MALRD1: variants seen among roughly 807,000 people sequenced by gnomAD.
The protein encoded by MALRD1 is MAM and LDL receptor class A domain containing 1.
In MALRD1, 247 loss-of-function variants were observed where a neutral mutation model predicts 242.1. The observed-to-expected ratio is 1.02, with a 90% confidence interval of 0.92 to 1.13. The LOEUF (loss-of-function observed/expected upper bound fraction) is 1.13, where lower values mean the gene tolerates loss of function less well. Among genes scored for constraint, MALRD1 ranks in the 50% most tolerant of loss-of-function variants. The pLI is 0.00. For missense variants in MALRD1, 2,989 were observed against 2,533.1 expected, an observed-to-expected ratio of 1.18 and a Z score of -3.86; for synonymous variants, 995 against 866.6, an observed-to-expected ratio of 1.15 and a Z score of -2.60.
chr10:19,688,557 A>G (rs1842695277), intron 36 of MALRD1, among the ~76,000 whole-genome samples: 2 of 152,170 alleles, frequency 1.3e-5, no homozygotes, highest in South Asian at 4.1e-4. Context: ...CAGCATGCCC[A>G]GCCCTAATGA....
intron 25 of MALRD1, among the ~76,000 whole-genome samples, chr10:19,348,450 C>T (rs534601052): frequency 3.3e-5 from 5 of 150,114 alleles, no homozygotes; most frequent in Admixed American, 2.0e-4. Flanking sequence ...GTTAGAGCCA[C>T]AAAAAAAAAT....
chr10:19,180,169 C>T (rs1284910797), intron 14 of MALRD1, among the ~76,000 whole-genome samples: 1 of 152,174 alleles, frequency 6.6e-6, no homozygotes, highest in Admixed American at 6.5e-5. Context: ...GGAACACAGA[C>T]ATTTTCCAGA....
chr10:19,500,602 C>T (rs867802652), intron 31 of MALRD1, among the ~76,000 whole-genome samples: 91 of 152,082 alleles, frequency 6.0e-4, no homozygotes, highest in African/African-American at 2.1e-3. Flanking sequence ...CCTCCTAAAC[C>T]CAATTTACAA....
intron 34 of MALRD1, among the ~76,000 whole-genome samples, chr10:19,605,302 G>A (rs1184279096): frequency 6.6e-6 from 1 of 151,310 alleles, no homozygotes; most frequent in Non-Finnish European, 1.5e-5. Context: ...CTACAGGCAT[G>A]AGCCACCAAT....
intron 32 of MALRD1, among the ~76,000 whole-genome samples, chr10:19,559,149 C>T (rs553614499): frequency 2.0e-5 from 3 of 151,916 alleles, no homozygotes; most frequent in Non-Finnish European, 2.9e-5. Flanking sequence ...TACCACTGCA[C>T]TCCAGCCTGG....
intron 29 of MALRD1, among the ~76,000 whole-genome samples, chr10:19,463,906 A>G (rs556280464): frequency 6.6e-6 from 1 of 152,236 alleles, no homozygotes; most frequent in East Asian, 1.9e-4. Context: ...GATTATGGCC[A>G]TTCTTGCAGT....
At position 19,683,731 on chromosome 10, in the gene MALRD1, G is replaced by A. The variant is rs144783636; in HGVS notation, c.6138-8551G>A. On this transcript the variant is annotated intron_variant, in intron 36 of 39. Coordinates refer to ENST00000454679, the MANE Select transcript of MALRD1 (RefSeq NM_001142308.3). ...CAGATAAAAATTGTAAAGTTAATTA[G>A]CATTACAAATGATTTTTTATACATT... is the stretch of plus-strand genomic sequence containing the variant. Among the ~76,000 whole-genome samples the A allele has an allele frequency of 1.2e-3, 183 of 152,196 alleles. 1 individual carries two copies. The highest frequency in any genetic ancestry group is 4.2e-3 in the African/African-American group (173 of 41,534).
intron 38 of MALRD1, among the ~76,000 whole-genome samples, chr10:19,725,369 T>A (rs1415655465): frequency 6.6e-6 from 1 of 152,184 alleles, no homozygotes; most frequent in Non-Finnish European, 1.5e-5. Flanking sequence ...CACTTCTGGC[T>A]GCCACTGTGT....
At chr10:19,153,053 G>A (rs1833999969) in intron 11 of MALRD1, among the ~76,000 whole-genome samples, 1 of 151,824 alleles carries the variant, frequency 6.6e-6, no homozygotes, top group South Asian at 2.1e-4. Context: ...TTGTTCACTG[G>A]TTTTTCATAG....
chr10:19,269,976 A>T (rs1053100866), intron 19 of MALRD1, among the ~76,000 whole-genome samples: 1 of 152,104 alleles, frequency 6.6e-6, no homozygotes, highest in Non-Finnish European at 1.5e-5. Flanking sequence ...CTCTCTAATG[A>T]TTATTCTCTA....
chr10:19,141,279 GAC>G (rs945240234), intron 10 of MALRD1, among the ~76,000 whole-genome samples: 6 of 152,108 alleles, frequency 3.9e-5, no homozygotes, highest in African/African-American at 1.4e-4. Context: ...ATAAGCCAGA[GAC>G]AAAAGGACAC....
intron 26 of MALRD1, among the ~76,000 whole-genome samples, chr10:19,384,772 A>G (rs930573684): frequency 2.7e-5 from 4 of 148,270 alleles, no homozygotes; most frequent in East Asian, 2.0e-4. Context: ...TTTCTTACCT[A>G]ATTGCTCAGG....
chr10:19,578,788 C>T (rs915051278), intron 33 of MALRD1, among the ~76,000 whole-genome samples: 4 of 151,896 alleles, frequency 2.6e-5, no homozygotes, highest in African/African-American at 9.7e-5. Context: ...TTTTGCCCTT[C>T]CTTCCTCTTC....
chr10:19,184,077 C>T (rs1835636586), intron 14 of MALRD1, among the ~76,000 whole-genome samples: 1 of 152,142 alleles, frequency 6.6e-6, no homozygotes, highest in Non-Finnish European at 1.5e-5. Flanking sequence ...GGACAGGCTG[C>T]AGGGTGAATC....
intron 33 of MALRD1, among the ~76,000 whole-genome samples, chr10:19,576,544 AGAG>A (rs1202784092): frequency 6.6e-6 from 1 of 152,226 alleles, no homozygotes; most frequent in Non-Finnish European, 1.5e-5. Context: ...CAAGTTATAA[AGAG>A]GAGAAAAATG....
chr10:19,236,326 C>G lies in MALRD1; in HGVS notation c.2992-21358C>G, dbSNP rs557735989. ...GAATGGCCCACAGTTTGTGGCTGCT[C>G]TCACTTAAGCAGGTGGGATGCTCAT... On this transcript the variant is annotated intron_variant, in intron 18 of 39. Transcript: ENST00000454679. 9.9e-5 allele frequency among the ~76,000 whole-genome samples: 15 copies of G among 152,252 alleles called. No homozygotes were observed. In the South Asian group the frequency reaches 3.1e-3, roughly 32 times the overall value.
intron 26 of MALRD1, among the ~76,000 whole-genome samples, chr10:19,361,728 T>G (rs1426000670): frequency 2.0e-5 from 3 of 152,128 alleles, no homozygotes; most frequent in African/African-American, 4.8e-5. Flanking sequence ...AAGACCTCAA[T>G]AGAGCTCACT....
chr10:19,321,168 G>C (rs1842901939), intron 21 of MALRD1, among the ~76,000 whole-genome samples: 1 of 151,936 alleles, frequency 6.6e-6, no homozygotes, highest in South Asian at 2.1e-4. Flanking sequence ...AAGGAGTCTT[G>C]ATGTCTGATT....
chr10:19,120,331 T>A (rs1249224261), intron 5 of MALRD1, among the ~76,000 whole-genome samples: 1 of 152,168 alleles, frequency 6.6e-6, no homozygotes, highest in Non-Finnish European at 1.5e-5. Context: ...CTGTCCAATA[T>A]TACTGATATG....
Sources: gnomAD v4.1 joint callset for allele counts (sites outside exome capture counted in the v4.1 genomes callset) on GRCh38, gnomAD v4.1.1 for gene constraint, MANE v1.5 for transcripts, NCBI Gene and HGNC (gene_info 2026-07-23, HGNC 2026-07-21) for gene names.